Variants in MAP3K7CL observed in about 807,000 individuals in gnomAD.
MAP3K7CL encodes the protein MAP3K7 C-terminal like.
A neutral mutation model predicts 18.6 loss-of-function variants in MAP3K7CL; 16 were observed. The ratio of observed to expected loss-of-function variants is 0.86; its 90% CI spans 0.58 to 1.31. MAP3K7CL has a LOEUF of 1.31. Among genes scored for constraint, MAP3K7CL ranks in the 50% most tolerant of loss-of-function variants. The pLI, the probability that MAP3K7CL is intolerant of heterozygous loss-of-function variation, is 0.00. For synonymous variants in MAP3K7CL, 65 were observed against 66.8 expected (o/e 0.97, Z 0.13); for missense variants, 163 against 174.4 (o/e 0.93, Z 0.37).
At chr21:29,155,926 A>G (rs1422800145) in intron 3 of MAP3K7CL, among the ~76,000 whole-genome samples, 2 of 152,228 alleles carry the variant, frequency 1.3e-5, no homozygotes, top group Non-Finnish European at 2.9e-5. Flanking sequence ...ATAGTAAACC[A>G]GATACGATGG....
chr21:29,112,138 A>G (rs930736038), intron 4 of MAP3K7CL, among the ~76,000 whole-genome samples: 1 of 152,046 alleles, frequency 6.6e-6, no homozygotes, highest in Non-Finnish European at 1.5e-5. Context: ...CTCTACTAAA[A>G]TACAAAAAAA....
At chr21:29,097,208 A>G (rs970352885) in intron 4 of MAP3K7CL, among the ~76,000 whole-genome samples, 9 of 152,188 alleles carry the variant, frequency 5.9e-5, no homozygotes, top group Non-Finnish European at 1.3e-4. Context: ...ATTCACTCAG[A>G]GTATCTAGTA....
At chr21:29,090,482 G>A (rs555292003) in intron 1 of MAP3K7CL, among the ~76,000 whole-genome samples, 4 of 152,048 alleles carry the variant, frequency 2.6e-5, no homozygotes, top group Admixed American at 1.3e-4. Context: ...CTGGGTTCAC[G>A]CCATTCTCCT....
chr21:29,126,749 G>A (rs976248381), upstream of MAP3K7CL, among the ~76,000 whole-genome samples: 5 of 152,050 alleles, frequency 3.3e-5, no homozygotes, highest in Non-Finnish European at 5.9e-5. Flanking sequence ...GTGAGCCACC[G>A]TGCCTGGCTC....
At chr21:29,113,771 C>T (rs572893317) in intron 4 of MAP3K7CL, among the ~76,000 whole-genome samples, 3 of 152,182 alleles carry the variant, frequency 2.0e-5, no homozygotes, top group Non-Finnish European at 4.4e-5. Context: ...TGATGATCTG[C>T]CTGCCTCGGC....
intron 2 of MAP3K7CL, 39 bp downstream of exon 2, chr21:29,133,453 C>A: frequency 7.0e-7 from 1 of 1,430,240 alleles, no homozygotes; most frequent in Non-Finnish European, 9.5e-7. Context: ...TTCCTTCATA[C>A]CCCACCTTTC....
chr21:29,145,293 G>A (rs142747316), intron 2 of MAP3K7CL, among the ~76,000 whole-genome samples: 34 of 151,676 alleles, frequency 2.2e-4, no homozygotes, highest in African/African-American at 6.1e-4. Context: ...TTTCAAAAAA[G>A]CTAAATTTGC....
upstream of MAP3K7CL, chr21:29,085,689 T>C: frequency 1.7e-6 from 1 of 573,102 alleles, no homozygotes; most frequent in Non-Finnish European, 3.1e-6. Flanking sequence ...CTCCCCAATA[T>C]TGTATGTGAA....
chr21:29,140,932 G>A (rs1334499527), intron 2 of MAP3K7CL, among the ~76,000 whole-genome samples: 3 of 152,040 alleles, frequency 2.0e-5, no homozygotes, highest in African/African-American at 7.2e-5. Flanking sequence ...CATGTACCAT[G>A]ATACTCGGTT....
chr21:29,139,149 T>A (rs896248004), intron 2 of MAP3K7CL: 1 of 151,910 alleles, frequency 6.6e-6, no homozygotes, highest in African/African-American at 2.4e-5. Context: ...TTACATGGAG[T>A]AGTTGCAATA....
chr21:29,153,475 T>C (rs2087324944), intron 3 of MAP3K7CL, among the ~76,000 whole-genome samples: 1 of 152,104 alleles, frequency 6.6e-6, no homozygotes. Flanking sequence ...TGAGACAAAG[T>C]CTTGCTCTGT....
At chr21:29,133,844 C>T (rs945120806) in intron 2 of MAP3K7CL, among the ~76,000 whole-genome samples, 2 of 152,246 alleles carry the variant, frequency 1.3e-5, no homozygotes, top group Non-Finnish European at 2.9e-5. Context: ...TGGTTTCTCA[C>T]TGGTGCTCCC....
At chr21:29,129,688 T>G (rs530513247), upstream of MAP3K7CL, among the ~76,000 whole-genome samples, 1 of 152,362 alleles carries the variant, frequency 6.6e-6, no homozygotes, top group South Asian at 2.1e-4. Flanking sequence ...CTGGGTCATG[T>G]GGTAAAAGTA....
At chr21:29,143,255 A>G (rs1201171974) in intron 2 of MAP3K7CL, among the ~76,000 whole-genome samples, 3 of 152,128 alleles carry the variant, frequency 2.0e-5, no homozygotes, top group African/African-American at 7.2e-5. Context: ...CATAGGTCCA[A>G]TGCCCATGAA....
Position 29,174,980 on chromosome 21 carries a change from A to T in MAP3K7CL, c.*88A>T. On this transcript the variant is annotated 3_prime_UTR_variant, in exon 5 of 5. Coordinates refer to ENST00000399928, the MANE Select transcript of MAP3K7CL (RefSeq NM_001286620.2). ...TTATTTTAAATGAATAGTGAGTCAG[A>T]TCTATTGCTTCTCTGTATTACCCAC... 7.7e-7 allele frequency: 1 copy of T among 1,297,774 alleles called. No individual in the cohort carries two copies. Among genetic ancestry groups the T allele is most frequent in the African/African-American group, 1.5e-5 (1 of 67,402 alleles). The allele number at this position is 1,297,774 out of a possible 1,614,324, so 80.4% of individuals were successfully genotyped here.
chr21:29,135,488 G>A (rs2146637115), intron 2 of MAP3K7CL, among the ~76,000 whole-genome samples: 1 of 152,282 alleles, frequency 6.6e-6, no homozygotes, highest in African/African-American at 2.4e-5. Flanking sequence ...ATCTCAGGCA[G>A]TATTAATTTT....
upstream of MAP3K7CL, among the ~76,000 whole-genome samples, chr21:29,077,216 G>A (rs1469841820): frequency 6.6e-6 from 1 of 152,262 alleles, no homozygotes; most frequent in East Asian, 1.9e-4. Flanking sequence ...CCCTTGGGTG[G>A]TTGATGGGAC....
chr21:29,108,889 T>C (rs868221073), intron 4 of MAP3K7CL, among the ~76,000 whole-genome samples: 1 of 152,202 alleles, frequency 6.6e-6, no homozygotes, highest in Admixed American at 6.5e-5. Flanking sequence ...AATTTTGCAG[T>C]GTTCAGTCAG....
At chr21:29,172,571 A>C (rs1308299111) in intron 4 of MAP3K7CL, among the ~76,000 whole-genome samples, 1 of 151,396 alleles carries the variant, frequency 6.6e-6, no homozygotes, top group Non-Finnish European at 1.5e-5. Flanking sequence ...TCAGACTTTC[A>C]CCCCCCAGGT....
Sources: allele counts gnomAD v4.1 joint callset (sites outside exome capture counted in the v4.1 genomes callset), GRCh38; gene constraint gnomAD v4.1.1; transcripts MANE v1.5; gene names NCBI Gene and HGNC (gene_info 2026-07-23, HGNC 2026-07-21).